The following STRN3 variants were observed in gnomAD, a reference collection of about 807,000 sequenced individuals.
The protein encoded by STRN3 is striatin 3.
STRN3 carries 29 observed loss-of-function variants against 95.6 expected under a neutral mutation model. That is an observed-to-expected ratio of 0.30 (90% CI 0.23 to 0.41). The LOEUF (loss-of-function observed/expected upper bound fraction) is 0.41. STRN3 is among the 10% of genes least tolerant of loss of function. STRN3 has a pLI of 1.00. For missense variants in STRN3, 890 were observed against 972.1 expected (o/e 0.92, Z 1.12); for synonymous variants, 331 against 357.6 (o/e 0.93, Z 0.84).
chr14:30,898,831 C>CT (rs1165789692), intron 16 of STRN3, among the ~76,000 whole-genome samples: 2 of 152,202 alleles, frequency 1.3e-5, no homozygotes, highest in Admixed American at 1.3e-4. Flanking sequence ...TCCCTGGCAC[C>CT]TTAAGCCCTT....
chr14:30,948,204 A>T (rs1200471728), intron 4 of STRN3, among the ~76,000 whole-genome samples: 1 of 152,236 alleles, frequency 6.6e-6, no homozygotes, highest in African/African-American at 2.4e-5. Context: ...CAAAAAAATT[A>T]TACAGAGTCA....
chr14:31,021,123 CAAGGAATA>C (rs1883486762), intron 1 of STRN3, among the ~76,000 whole-genome samples: 1 of 152,032 alleles, frequency 6.6e-6, no homozygotes, highest in Non-Finnish European at 1.5e-5. Flanking sequence ...TTTAATGTGG[CAAGGAATA>C]AAGAATGAGC....
In STRN3 at chr14:31,008,777, A is replaced by C. The variant is rs1209983547; in HGVS notation, c.282+17127T>G. ...GAAACAGCTGGGTGCAGTGGTTTACACCTGTAATCCCAGCACTTTAGCAGG... is the reference window on the plus strand; with the variant it reads ...GAAACAGCTGGGTGCAGTGGTTTACCCCTGTAATCCCAGCACTTTAGCAGG... On this transcript the variant is annotated intron_variant, in intron 1 of 17. Transcript: ENST00000357479. 3.9e-5 allele frequency among the ~76,000 whole-genome samples: 6 copies of C among 152,248 alleles called. No individual in the cohort carries two copies. In the South Asian group the frequency reaches 1.2e-3, roughly 32 times the overall value.
intron 1 of STRN3, among the ~76,000 whole-genome samples, chr14:30,984,069 G>T (rs534622282): frequency 1.2e-4 from 18 of 150,868 alleles, no homozygotes; most frequent in African/African-American, 4.4e-4. Flanking sequence ...TTGGCCCACA[G>T]ACACTGATAT....
intron 13 of STRN3, 53 bp downstream of exon 13, chr14:30,910,988 C>G (rs1218356562): frequency 1.3e-6 from 2 of 1,577,592 alleles, no homozygotes; most frequent in East Asian, 2.3e-5. Context: ...GAGGTATTTA[C>G]TTTTGTCAGC....
At position 30,989,561 on chromosome 14, in the gene STRN3, C is replaced by T. The variant is rs547988528; in HGVS notation, c.283-33319G>A. ...CTGCAAGCTCCACCTCCCAGATTCACGCCATTCTCCTGCCTCAGCCTCCCG... is the reference window on the plus strand; with the variant it reads ...CTGCAAGCTCCACCTCCCAGATTCATGCCATTCTCCTGCCTCAGCCTCCCG... On this transcript the variant is annotated intron_variant, in intron 1 of 17. Transcript: ENST00000357479. 4.3e-4 allele frequency among the ~76,000 whole-genome samples: 66 copies of T among 152,176 alleles called. 2 individuals carry two copies. In the South Asian group the frequency reaches 0.013, roughly 31 times the overall value.
intron 1 of STRN3, among the ~76,000 whole-genome samples, chr14:30,978,168 A>C (rs1881207175): frequency 6.6e-6 from 1 of 152,232 alleles, no homozygotes; most frequent in Non-Finnish European, 1.5e-5. Flanking sequence ...TGAAGCCAGC[A>C]TTATCCTAAT....
chr14:30,954,573 A>C (rs576259454), intron 3 of STRN3, among the ~76,000 whole-genome samples: 2 of 152,246 alleles, frequency 1.3e-5, no homozygotes, highest in Non-Finnish European at 2.9e-5. Flanking sequence ...TACATAACTG[A>C]AAACATTTTA....
At chr14:30,985,742 AG>A (rs775924934) in intron 1 of STRN3, among the ~76,000 whole-genome samples, 12 of 152,154 alleles carry the variant, frequency 7.9e-5, no homozygotes, top group Non-Finnish European at 1.3e-4. Flanking sequence ...TTATGTTTAT[AG>A]TTTTATCATA....
At chr14:30,950,474 A>G (rs1879583170) in intron 4 of STRN3, among the ~76,000 whole-genome samples, 1 of 152,258 alleles carries the variant, frequency 6.6e-6, no homozygotes, top group East Asian at 1.9e-4. Context: ...ACTGAAAGGA[A>G]GATTTGGCAA....
chr14:30,983,323 G>A (rs143658453), intron 1 of STRN3, among the ~76,000 whole-genome samples: 5 of 152,086 alleles, frequency 3.3e-5, no homozygotes, highest in African/African-American at 4.8e-5. Flanking sequence ...TGGGAGGATC[G>A]CCTGAGGTCA....
intron 1 of STRN3, among the ~76,000 whole-genome samples, chr14:30,986,604 C>T (rs1015367103): frequency 1.2e-4 from 18 of 152,210 alleles, no homozygotes; most frequent in Non-Finnish European, 2.5e-4. Context: ...ACACAGGCCA[C>T]ATCATTTTAT....
intron 1 of STRN3, among the ~76,000 whole-genome samples, chr14:30,972,308 C>T (rs1477979359): frequency 6.6e-6 from 1 of 151,684 alleles, no homozygotes; most frequent in Non-Finnish European, 1.5e-5. Flanking sequence ...CCCTGTCATT[C>T]TCTTTAAATT....
chr14:31,014,551 G>A lies in STRN3; in HGVS notation c.282+11353C>T, dbSNP rs764911310. On this transcript the variant is annotated intron_variant, in intron 1 of 17. Coordinates refer to ENST00000357479, the MANE Select transcript of STRN3 (RefSeq NM_001083893.2). ...CAAAATTTTTAATAGGAATTTTTAC[G>A]TCTGTTTATAAAGTCTATCTAAAAG... is the stretch of plus-strand genomic sequence containing the variant. 4.0e-4 allele frequency: 146 copies of A among 368,800 alleles called. 1 individual carries two copies. The highest frequency in any genetic ancestry group is 6.3e-4 in the Non-Finnish European group (117 of 184,924). 22.8% of individuals were successfully genotyped at this position (368,800 alleles called of 1,614,324 possible).
Position 30,980,265 on chromosome 14 carries a change from A to G in STRN3, c.283-24023T>C, listed in dbSNP as rs115307696. On this transcript the variant is annotated intron_variant, in intron 1 of 17. Transcript: ENST00000357479. ...GTATGGGGGCGGGGAGAATTATTTG[A>G]TATTTGTTGATACTTGACAGCAGAT... 2.6e-3 allele frequency among the ~76,000 whole-genome samples: 395 copies of G among 152,078 alleles called. 1 individual carries two copies. The highest frequency in any genetic ancestry group is 8.7e-3 in the African/African-American group (362 of 41,512).
chr14:30,967,064 G>A (rs1301695592), intron 1 of STRN3, among the ~76,000 whole-genome samples: 1 of 152,048 alleles, frequency 6.6e-6, no homozygotes, highest in Non-Finnish European at 1.5e-5. Flanking sequence ...GGACACACAA[G>A]GTGAGACATC....
At chr14:30,952,566 G>T (rs1052320136) in intron 3 of STRN3, among the ~76,000 whole-genome samples, 2 of 151,934 alleles carry the variant, frequency 1.3e-5, no homozygotes, top group African/African-American at 4.8e-5. Flanking sequence ...CAGGCATGGT[G>T]GCACGTGCCT....
At chr14:30,927,414 G>C (rs1481494802) in intron 8 of STRN3, among the ~76,000 whole-genome samples, 1 of 151,534 alleles carries the variant, frequency 6.6e-6, no homozygotes, top group African/African-American at 2.4e-5. Context: ...AACTAAAAAA[G>C]ACCTTGACTT....
chr14:30,924,605 C>G (rs1896973995), intron 8 of STRN3, among the ~76,000 whole-genome samples: 1 of 152,052 alleles, frequency 6.6e-6, no homozygotes, highest in Admixed American at 6.6e-5. Flanking sequence ...TGCTTGAAAT[C>G]TTAATGCTTT....
Sources: gnomAD v4.1 joint callset for allele counts (sites outside exome capture counted in the v4.1 genomes callset) on GRCh38, gnomAD v4.1.1 for gene constraint, MANE v1.5 for transcripts, NCBI Gene and HGNC (gene_info 2026-07-23, HGNC 2026-07-21) for gene names.